RBFOX1: variants seen among roughly 807,000 people sequenced by gnomAD.
RBFOX1 encodes the protein RNA binding fox-1 homolog 1.
Under a neutral mutation model 57.7 loss-of-function variants are expected in RBFOX1, and 8 were observed. The observed-to-expected ratio is 0.14, with a 90% confidence interval of 0.08 to 0.25. RBFOX1 has a LOEUF of 0.25. Among genes scored for constraint, RBFOX1 ranks in the 10% least tolerant of loss-of-function variants. The pLI is 1.00. For missense variants in RBFOX1, 611 were observed against 548.5 expected (o/e 1.11, Z -1.14); for synonymous variants, 326 against 222.4 (o/e 1.47, Z -4.15).
rs535802093 is a variant in RBFOX1, at chr16:7,449,518, A to G, written c.28-68629A>G. 2.3e-4 allele frequency among the ~76,000 whole-genome samples: 35 copies of G among 152,182 alleles called. No individual in the cohort carries two copies. The South Asian group carries it at 3.3e-3, about 14-fold the overall frequency. ...ATGCAGTAGCTCTGAGTCATGATCT[A>G]TCATATTGCCCTGTTTTGTAATTTT... On this transcript the variant is annotated intron_variant, in intron 4 of 15. Transcript: ENST00000550418.
At chr16:7,491,363 C>G (rs553485445) in intron 4 of RBFOX1, among the ~76,000 whole-genome samples, 5 of 101,734 alleles carry the variant, frequency 4.9e-5, no homozygotes, top group African/African-American at 1.2e-4. Flanking sequence ...GTAAGGGACT[C>G]TTCTTGGGTT....
At chr16:6,647,655 G>A (rs1458521743) in intron 2 of RBFOX1, among the ~76,000 whole-genome samples, 1 of 152,140 alleles carries the variant, frequency 6.6e-6, no homozygotes, top group Admixed American at 6.5e-5. Context: ...TGAATTTTAG[G>A]GGGGACACAT....
chr16:6,452,326 C>T (rs952397831), intron 2 of RBFOX1, among the ~76,000 whole-genome samples: 49 of 151,340 alleles, frequency 3.2e-4, no homozygotes, highest in Non-Finnish European at 1.2e-4. Flanking sequence ...ATCCATGGTC[C>T]CTTCCTTCCA....
intron 2 of RBFOX1, among the ~76,000 whole-genome samples, chr16:6,641,612 G>A (rs1296838802): frequency 6.6e-6 from 1 of 151,894 alleles, no homozygotes; most frequent in Non-Finnish European, 1.5e-5. Context: ...GTGGGTGCCT[G>A]TAATCCCAGC....
chr16:5,946,002 C>T lies in RBFOX1; in HGVS notation c.351+78667C>T, dbSNP rs539349854. Reference sequence around the variant, plus strand: ...CCAGGGAATGGAACATCCACACCGGCGTCCACATTGGGTTTAAAAAGAGAA... The same window carrying T: ...CCAGGGAATGGAACATCCACACCGGTGTCCACATTGGGTTTAAAAAGAGAA... On this transcript the variant is annotated intron_variant, in intron 4 of 19. Coordinates refer to the RBFOX1 transcript ENST00000641259. This position sits in a 1 kb window ranked among gnomAD's most constrained non-coding sequence, Gnocchi z 4.6. Among the ~76,000 whole-genome samples, 20 of 152,182 alleles carry T rather than the reference C, an allele frequency of 1.3e-4. No homozygotes were observed. The highest frequency in any genetic ancestry group is 3.3e-4 in the Admixed American group (5 of 15,274).
chr16:7,356,794 G>T (rs2097221863), intron 4 of RBFOX1, among the ~76,000 whole-genome samples: 1 of 152,248 alleles, frequency 6.6e-6, no homozygotes, highest in Non-Finnish European at 1.5e-5. Context: ...GCCTTTTCCA[G>T]TGATGGAAGG....
chr16:7,227,292 C>G (rs1215974977), intron 4 of RBFOX1, among the ~76,000 whole-genome samples: 3 of 138,290 alleles, frequency 2.2e-5, no homozygotes, highest in African/African-American at 7.4e-5. Flanking sequence ...CCCACCCCAC[C>G]CCCACACACA....
At chr16:5,863,167 C>T (rs1306580238) in intron 3 of RBFOX1, among the ~76,000 whole-genome samples, 1 of 152,144 alleles carries the variant, frequency 6.6e-6, no homozygotes, top group East Asian at 1.9e-4. Flanking sequence ...GAGTTCCTAG[C>T]ACAAGTGAGA....
At chr16:7,157,189 T>G (rs943741155) in intron 4 of RBFOX1, among the ~76,000 whole-genome samples, 1 of 152,206 alleles carries the variant, frequency 6.6e-6, no homozygotes, top group Non-Finnish European at 1.5e-5. Context: ...AGCCTTAGAA[T>G]TGCAGGCTGG....
At chr16:6,914,544 C>T (rs901327737) in intron 3 of RBFOX1, among the ~76,000 whole-genome samples, 6 of 149,306 alleles carry the variant, frequency 4.0e-5, no homozygotes, top group African/African-American at 1.5e-4. Flanking sequence ...CAGTTTTCAG[C>T]TCCAGAAGAA....
chr16:6,063,696 T>G (rs985972542), intron 1 of RBFOX1, among the ~76,000 whole-genome samples: 41 of 152,062 alleles, frequency 2.7e-4, no homozygotes, highest in African/African-American at 8.7e-4. Context: ...GCATGAGAAG[T>G]GGGGTCCTGT....
chr16:7,641,904 A>T (rs570051114), intron 11 of RBFOX1, among the ~76,000 whole-genome samples: 36 of 152,212 alleles, frequency 2.4e-4, no homozygotes, highest in African/African-American at 8.4e-4. Flanking sequence ...ACAGCTCCTC[A>T]AATGCTACTC....
intron 2 of RBFOX1, among the ~76,000 whole-genome samples, chr16:6,572,967 C>G (rs1040318279): frequency 8.5e-5 from 13 of 152,136 alleles, no homozygotes; most frequent in Admixed American, 7.9e-4. Context: ...AAAATAAATA[C>G]CTTCCCTCGG....
intron 1 of RBFOX1, among the ~76,000 whole-genome samples, chr16:5,341,899 G>T (rs976699270): frequency 6.6e-6 from 1 of 152,198 alleles, no homozygotes; most frequent in South Asian, 2.1e-4. Context: ...GGAGTGTTCA[G>T]ACGGGAAGCC....
chr16:7,074,842 C>G (rs1398739497), intron 4 of RBFOX1, among the ~76,000 whole-genome samples: 1 of 152,078 alleles, frequency 6.6e-6, no homozygotes, highest in Non-Finnish European at 1.5e-5. Context: ...CTATATTTGT[C>G]TATTGCGCAA....
chr16:6,688,577 C>G (rs983419025), intron 3 of RBFOX1, among the ~76,000 whole-genome samples: 9 of 152,188 alleles, frequency 5.9e-5, no homozygotes, highest in African/African-American at 1.7e-4. Context: ...AAACTGAAGA[C>G]TACCAGAGGT....
chr16:6,460,514 A>G (rs1473602668), intron 2 of RBFOX1, among the ~76,000 whole-genome samples: 1 of 152,180 alleles, frequency 6.6e-6, no homozygotes, highest in Non-Finnish European at 1.5e-5. Flanking sequence ...ATCAGCGATC[A>G]TTAGAGAGAT....
chr16:6,578,165 G>C (rs561357721), intron 2 of RBFOX1, among the ~76,000 whole-genome samples: 21 of 152,340 alleles, frequency 1.4e-4, no homozygotes, highest in African/African-American at 5.1e-4. Context: ...ACTACTACTA[G>C]ACATCAGATA....
intron 3 of RBFOX1, among the ~76,000 whole-genome samples, chr16:6,853,026 G>T (rs929809747): frequency 1.3e-5 from 2 of 152,128 alleles, no homozygotes; most frequent in African/African-American, 4.8e-5. Flanking sequence ...GGAACAGCTG[G>T]TCCCAGCTGG....
Sources: gnomAD v4.1 joint callset for allele counts (sites outside exome capture counted in the v4.1 genomes callset) on GRCh38, gnomAD v4.1.1 for gene constraint, Gnocchi (gnomAD v3.1) non-coding constraint, MANE v1.5 for transcripts, NCBI Gene and HGNC (gene_info 2026-07-23, HGNC 2026-07-21) for gene names.